CRLS1: variants seen among roughly 807,000 people sequenced by gnomAD.
The protein encoded by CRLS1 is cardiolipin synthase (CMP-forming).
A neutral mutation model predicts 37.0 loss-of-function variants in CRLS1; 24 were observed. The observed-to-expected ratio is 0.65, with a 90% CI of 0.47 to 0.91. The LOEUF is 0.91. Ranked by LOEUF, CRLS1 falls within the 40% of genes least tolerant of loss-of-function variation. CRLS1 has a pLI of 0.00. For synonymous variants in CRLS1, 135 were observed against 159.7 expected (o/e 0.85, Z 1.17); for missense variants, 373 against 395.8 (o/e 0.94, Z 0.49).
At chr20:6,035,294 T>C (rs6117041) in intron 6 of CRLS1, among the ~76,000 whole-genome samples, 12,169 of 152,266 alleles carry the variant, frequency 0.08, 752 homozygotes, top group African/African-American at 0.17. Flanking sequence ...CCTTCTGATA[T>C]AGGATGAAGG....
intron 3 of CRLS1, among the ~76,000 whole-genome samples, chr20:6,021,206 ACAGGT>A (rs1472910210): frequency 6.6e-6 from 1 of 151,560 alleles, no homozygotes; most frequent in African/African-American, 2.4e-5. Context: ...AGCTGGAATT[ACAGGT>A]GCGTGCCACC....
chr20:6,029,386 CAG>C (rs1979973434), intron 3 of CRLS1, among the ~76,000 whole-genome samples: 2 of 126,558 alleles, frequency 1.6e-5, no homozygotes, highest in African/African-American at 6.0e-5. Flanking sequence ...TTTTTAAAGA[CAG>C]AGTTTCACTC....
intron 3 of CRLS1, among the ~76,000 whole-genome samples, chr20:6,019,061 CT>C (rs11477685): frequency 0.044 from 6,584 of 148,738 alleles, 154 homozygotes; most frequent in Admixed American, 0.066. Context: ...GAATTGGGGA[CT>C]TTTTTTTTTC....
rs1307671852 is a variant in CRLS1, at chr20:6,034,490, G to T, written c.756G>T (p.Leu252Phe). 6.2e-7 allele frequency: 1 copy of T among 1,612,932 alleles called. No homozygotes were observed. Reference sequence around the variant, plus strand: ...TGAATACAGCAGTCCAGTTAATCTTGGTGGCAGCTTCTTTGGCAGCTCCAG... The same window carrying T: ...TGAATACAGCAGTCCAGTTAATCTTTGTGGCAGCTTCTTTGGCAGCTCCAG... ...SKVNTAVQLI[L>F]VAASLAAPVF... is the part of the protein sequence containing the mutation. Residue 252 changes from leucine (L) to phenylalanine (F), a missense_variant, in exon 6 of 7, where the codon TTG becomes TTT. Coordinates refer to ENST00000378863, the MANE Select transcript of CRLS1 (RefSeq NM_019095.6).
Position 6,006,364 on chromosome 20 carries a change from T to G in CRLS1, c.118T>G (p.Cys40Gly). 7.1e-7 allele frequency: 1 copy of G among 1,402,166 alleles called. No individual in the cohort carries two copies. The highest frequency in any genetic ancestry group is 9.3e-7 in the Non-Finnish European group (1 of 1,075,752). 86.9% of individuals were successfully genotyped at this position (1,402,166 alleles called of 1,614,324 possible). A position where few individuals can be genotyped will look rare whatever the true frequency, so the allele number is the denominator to read the frequency against. ...ACWALLPPVPCCLGCLAERWR... is the reference protein window; with the variant it reads ...ACWALLPPVPGCLGCLAERWR... The stretch of plus-strand genomic sequence containing the variant: ...CTGGGCCCTGCTGCCGCCCGTGCCC[T>G]GCTGCTTGGGCTGCCTGGCCGAACG... Residue 40 changes from cysteine to glycine, a missense_variant, in exon 1 of 7, where the codon TGC (cysteine) becomes GGC (glycine). Physicochemically the swap from Cys to Gly is radical, Grantham distance 159. Coordinates refer to ENST00000378863, the MANE Select transcript of CRLS1 (RefSeq NM_019095.6).
At chr20:6,029,222 A>G (rs1248762432) in intron 3 of CRLS1, among the ~76,000 whole-genome samples, 1 of 152,036 alleles carries the variant, frequency 6.6e-6, no homozygotes, top group African/African-American at 2.4e-5. Context: ...GTTAGGTCAC[A>G]CTGTTGGGTT....
intron 3 of CRLS1, among the ~76,000 whole-genome samples, chr20:6,020,581 G>A (rs1182593730): frequency 6.6e-6 from 1 of 151,570 alleles, no homozygotes; most frequent in Non-Finnish European, 1.5e-5. Context: ...GCAGTTCTTG[G>A]GTATGATGTT....
In CRLS1 at chr20:6,038,262, A is replaced by G. The variant is rs1391260949; in HGVS notation, c.*1104A>G. The G allele has an allele frequency of 6.6e-6, 1 of 152,276 alleles. No individual in the cohort carries two copies. The highest frequency in any genetic ancestry group is 2.4e-5 in the African/African-American group (1 of 41,458). The allele number at this position is 152,276 out of a possible 1,614,324, so 9.4% of individuals were successfully genotyped here. ...GGGAGAAGAAGACAGTCCAGTGGTG[A>G]CTAGTTGCTGCTGCTTAACCTATGG... On this transcript the variant is annotated 3_prime_UTR_variant, in exon 7 of 7. Transcript: ENST00000378863.
intron 3 of CRLS1, among the ~76,000 whole-genome samples, chr20:6,020,736 C>T (rs1412002306): frequency 6.6e-6 from 1 of 151,770 alleles, no homozygotes; most frequent in Non-Finnish European, 1.5e-5. Context: ...CATTCTCCTA[C>T]CTCAGCCTCC....
chr20:6,031,938 A>G, intron 4 of CRLS1, 74 bp from the exon 5 acceptor site: 1 of 1,123,516 alleles, frequency 8.9e-7, no homozygotes, highest in South Asian at 1.3e-5. Flanking sequence ...TATAATAACA[A>G]AATGTCTATT....
At chr20:6,009,344 G>A (rs927321135) in intron 1 of CRLS1, among the ~76,000 whole-genome samples, 11 of 150,262 alleles carry the variant, frequency 7.3e-5, no homozygotes, top group African/African-American at 2.2e-4. Flanking sequence ...AAAAAAAAGA[G>A]AAAAGGAAAC....
chr20:6,006,414 T>C lies in CRLS1; in HGVS notation c.168T>C (p.Leu56=). Residue 56 remains leucine, a synonymous_variant, in exon 1 of 7, where the codon CTT becomes CTC. Coordinates refer to ENST00000378863, the MANE Select transcript of CRLS1 (RefSeq NM_019095.6). ...GCTGGAGGCTGCGTCCGGCCGCTCT[T>C]GGCTTGCGGCTGCCCGGGATCGGCC... The part of the protein sequence containing the change: ...AERWRLRPAA[L]GLRLPGIGQR... 7.1e-7 allele frequency: 1 copy of C among 1,410,124 alleles called. No individual in the cohort carries two copies. The highest frequency in any genetic ancestry group is 9.2e-7 in the Non-Finnish European group (1 of 1,081,426). The allele number at this position is 1,410,124 out of a possible 1,614,324, so 87.4% of individuals were successfully genotyped here.
rs748873268 is a variant in CRLS1, at chr20:6,009,857, A to C, written c.389A>C (p.Glu130Ala). Residue 130 changes from glutamate to alanine, a missense_variant, in exon 2 of 7, where the codon GAA (glutamate) becomes GCA (alanine). Physicochemically the swap from Glu to Ala is moderately radical, Grantham distance 107. Coordinates refer to ENST00000378863, the MANE Select transcript of CRLS1 (RefSeq NM_019095.6). ...LAPVLGYLII[E>A]EDFNIALGVF... ...CCAGTTCTGGGCTATTTGATTATTG[A>C]AGAAGATTTTAATATTGCACTAGGA... 11 of 1,614,116 alleles carry C rather than the reference A, an allele frequency of 6.8e-6. No homozygotes were observed. Among genetic ancestry groups the C allele is most frequent in the Non-Finnish European group, 9.3e-6 (11 of 1,179,994 alleles).
chr20:6,027,788 T>TA (rs1979838701), intron 3 of CRLS1, among the ~76,000 whole-genome samples: 1 of 152,156 alleles, frequency 6.6e-6, no homozygotes, highest in East Asian at 1.9e-4. Flanking sequence ...CCCCAATCAT[T>TA]AAAAAATGTA....
rs6117034 is a variant in CRLS1 at position 6,011,573 on chromosome 20, T to C, written c.444+1661T>C. On this transcript the variant is annotated intron_variant, in intron 2 of 6. Transcript: ENST00000378863. ...CTTTCTCCTTTTCTTTTGTCCCTGCTTTTTTTTTTTTTTTTTTTTTTTTTT... is the reference window on the plus strand; with the variant it reads ...CTTTCTCCTTTTCTTTTGTCCCTGCCTTTTTTTTTTTTTTTTTTTTTTTTT... Among the ~76,000 whole-genome samples, 269 of 35,320 alleles carry C rather than the reference T, an allele frequency of 7.6e-3. 2 individuals carry two copies. The highest frequency in any genetic ancestry group is 0.04 in the African/African-American group (154 of 3,824). The allele number at this position is 35,320 out of a possible 152,430, so 23.2% of individuals were successfully genotyped here. A position where few individuals can be genotyped will look rare whatever the true frequency, so the allele number is the denominator to read the frequency against.
At chr20:6,012,682 T>C (rs1204789864) in intron 2 of CRLS1, among the ~76,000 whole-genome samples, 4 of 152,062 alleles carry the variant, frequency 2.6e-5, no homozygotes, top group Non-Finnish European at 5.9e-5. Flanking sequence ...AGTTTAGTAG[T>C]TTGGAGTTGG....
At chr20:6,015,078 G>A (rs940133387) in intron 2 of CRLS1, among the ~76,000 whole-genome samples, 1 of 152,010 alleles carries the variant, frequency 6.6e-6, no homozygotes, top group Non-Finnish European at 1.5e-5. Context: ...ATGTGTATTT[G>A]GGTTCATCCC....
intron 3 of CRLS1, among the ~76,000 whole-genome samples, chr20:6,019,140 C>T (rs559807597): frequency 3.3e-5 from 5 of 152,058 alleles, no homozygotes; most frequent in East Asian, 1.9e-4. Context: ...CTGTTAAAGC[C>T]GTTGAGGCCT....
chr20:6,034,475 A>G lies in CRLS1; in HGVS notation c.741A>G (p.Ala247=). 2 of 1,611,996 alleles carry G rather than the reference A, an allele frequency of 1.2e-6. No individual in the cohort carries two copies. The highest frequency in any genetic ancestry group is 1.7e-6 in the Non-Finnish European group (2 of 1,179,328). ...CTTTTTTTATTTAGGTGAATACAGC[A>G]GTCCAGTTAATCTTGGTGGCAGCTT... ...KPTFISKVNT[A]VQLILVAASL... The change falls in exon 6 of 7, where the codon GCA becomes GCG. Residue 247 remains alanine, a synonymous_variant. Transcript: ENST00000378863.
Sources: gnomAD v4.1 joint callset for allele counts (sites outside exome capture counted in the v4.1 genomes callset) on GRCh38, gnomAD v4.1.1 for gene constraint, MANE v1.5 for transcripts, NCBI Gene and HGNC (gene_info 2026-07-23, HGNC 2026-07-21) for gene names.